The following EXOSC10 variants were observed in gnomAD, a reference collection of about 807,000 sequenced individuals.
EXOSC10 encodes the protein exosome complex component 10.
A neutral mutation model predicts 126.6 loss-of-function variants in EXOSC10; 94 were observed. The observed-to-expected ratio is 0.74, with a 90% confidence interval of 0.63 to 0.88. The LOEUF (loss-of-function observed/expected upper bound fraction) is 0.88, where lower values mean the gene tolerates loss of function less well. EXOSC10 is among the 40% of genes least tolerant of loss of function. The pLI is 0.00. For missense variants in EXOSC10, 1,041 were observed against 1,100.5 expected (o/e 0.95, Z 0.77); for synonymous variants, 395 against 400.8 (o/e 0.99, Z 0.17).
intron 3 of EXOSC10, among the ~76,000 whole-genome samples, chr1:11,092,733 G>T (rs1640875256): frequency 6.6e-6 from 1 of 151,830 alleles, no homozygotes; most frequent in Middle Eastern, 3.2e-3. Flanking sequence ...TGACCAAGCT[G>T]GTCTTGAACT....
At chr1:11,090,734 T>C in intron 5 of EXOSC10, 66 bp from the exon 6 acceptor site, 1 of 1,233,696 alleles carries the variant, frequency 8.1e-7, no homozygotes, top group East Asian at 2.5e-5. Context: ...TACACAGGGG[T>C]AAACTGGTTC....
chr1:11,091,327 AAG>A, intron 4 of EXOSC10, 148 bp from the exon 5 acceptor site: 1 of 958,474 alleles, frequency 1.0e-6, no homozygotes, highest in East Asian at 2.5e-5. Context: ...GGTCTCCAGA[AAG>A]AGAAGAAGAG....
At chr1:11,086,835 T>C (rs951303015) in intron 9 of EXOSC10, among the ~76,000 whole-genome samples, 4 of 151,846 alleles carry the variant, frequency 2.6e-5, no homozygotes, top group African/African-American at 9.7e-5. Context: ...TAGAGGGAAA[T>C]TTATAGCACT....
rs548823163 is a variant in EXOSC10 at position 11,069,996 on chromosome 1, G to A, written c.2317-266C>T. On this transcript the variant is annotated intron_variant, in intron 21 of 24. Transcript: ENST00000376936. ...CATGCCTATAATTCCAGTGCTTTGG[G>A]CGGCCTAGGTGGGAGGACTGCTTTA... Among the ~76,000 whole-genome samples, 106 of 152,236 alleles carry A rather than the reference G, an allele frequency of 7.0e-4. 2 individuals are homozygous for A. Among genetic ancestry groups the A allele is most frequent in the South Asian group, 6.6e-3 (32 of 4,820 alleles).
rs764805621 is a variant in EXOSC10 at position 11,066,684 on chromosome 1, C to T, written c.*34G>A. The T allele has an allele frequency of 6.2e-7, 1 of 1,613,216 alleles. No homozygotes were observed. Among genetic ancestry groups the T allele is most frequent in the East Asian group, 2.2e-5 (1 of 44,878 alleles). ...ACAAAAGCAGCACCAGCATTTGGTG[C>T]TTCCGGTCCACAGGCGCCACGTGTC... is the stretch of plus-strand genomic sequence containing the variant. On this transcript the variant is annotated 3_prime_UTR_variant, in exon 25 of 25. Coordinates refer to ENST00000376936, the MANE Select transcript of EXOSC10 (RefSeq NM_001001998.3).
rs747009008 is a variant in EXOSC10, at chr1:11,079,730, C to T, written c.1730G>A (p.Arg577Gln). The change falls in exon 14 of 25, where the codon CGA becomes CAA. Residue 577 changes from arginine (R) to glutamine (Q), a missense_variant. Arg to Gln is a conservative substitution (Grantham distance 43). Coordinates refer to ENST00000376936, the MANE Select transcript of EXOSC10 (RefSeq NM_001001998.3). ...NEMHLLIQQAREMPLLKSEVA... is the reference protein window; with the variant it reads ...NEMHLLIQQAQEMPLLKSEVA... ...TCTTACCTTGAGCAGGGGCATCTCT[C>T]GGGCCTGCTGGATTAAAAGGTGCAT... The T allele has an allele frequency of 1.5e-5, 25 of 1,613,670 alleles. No individual in the cohort carries two copies. The highest frequency in any genetic ancestry group is 1.2e-4 in the South Asian group (11 of 90,920).
chr1:11,066,689 G>T lies in EXOSC10; in HGVS notation c.*29C>A, dbSNP rs758733928. ...AGCAGCACCAGCATTTGGTGCTTCC[G>T]GTCCACAGGCGCCACGTGTCTTCCA... is the stretch of plus-strand genomic sequence containing the variant. On this transcript the variant is annotated 3_prime_UTR_variant, in exon 25 of 25. Transcript: ENST00000376936. The T allele has an allele frequency of 1.9e-6, 3 of 1,613,280 alleles. No individual in the cohort carries two copies. The African/African-American group carries it at 4.0e-5, about 22-fold the overall frequency.
chr1:11,073,639 C>CA (rs1477924290), intron 19 of EXOSC10, among the ~76,000 whole-genome samples: 7 of 151,902 alleles, frequency 4.6e-5, no homozygotes, highest in Admixed American at 4.6e-4. Flanking sequence ...TCTGTAGTCC[C>CA]AGCACTTTGG....
At chr1:11,083,580 A>AAAAAAAAAAAAC (rs1640303640) in intron 9 of EXOSC10, among the ~76,000 whole-genome samples, 1 of 151,400 alleles carries the variant, frequency 6.6e-6, no homozygotes, top group African/African-American at 2.4e-5. Flanking sequence ...AAAAAAAAAA[A>AAAAAAAAAAAAC]AAAAATTAGA....
In EXOSC10 at chr1:11,077,618, G is replaced by A. The variant is rs764579571; in HGVS notation, c.1783C>T (p.Pro595Ser). 6.2e-7 allele frequency: 1 copy of A among 1,613,178 alleles called. No homozygotes were observed. Among genetic ancestry groups the A allele is most frequent in the South Asian group, 1.1e-5 (1 of 91,048 alleles). The change falls in exon 15 of 25, where the codon CCG becomes TCG. Residue 595 changes from proline to serine, a missense_variant. By Grantham distance (74) the Pro-to-Ser change is moderately conservative (BLOSUM62 -1). This residue lies in a region of EXOSC10 where 388 missense variants were observed against 415.2 expected (regional missense o/e 0.93). Coordinates refer to ENST00000376936, the MANE Select transcript of EXOSC10 (RefSeq NM_001001998.3). ...CACTCTACCTCAGCACTGGGCAGCGGTCCGCTCTTCTTCACTCCGGCTGCA... is the reference window on the plus strand; with the variant it reads ...CACTCTACCTCAGCACTGGGCAGCGATCCGCTCTTCTTCACTCCGGCTGCA... ...EVAAGVKKSG[P>S]LPSAERLENV...
At position 11,080,508 on chromosome 1, in the gene EXOSC10, T is replaced by G. The variant is rs2100979135; in HGVS notation, c.1628A>C (p.Glu543Ala). The change falls in exon 13 of 25, where the codon GAA (glutamate) becomes GCA (alanine). Residue 543 changes from glutamate to alanine, a missense_variant. Glu to Ala is a moderately radical substitution (Grantham distance 107). This residue lies in a region of EXOSC10 where 8 missense variants were observed against 29.0 expected (regional missense o/e 0.28). Transcript: ENST00000376936. ...PNHMMLKIAE[E>A]LPKEPQGIIA... The stretch of plus-strand genomic sequence containing the variant: ...CAGATTTGAAACTCACTTAGGCAGT[T>G]CTTCAGCTATTTTCAGCATCATGTG... 1 of 1,612,952 alleles carries G rather than the reference T, an allele frequency of 6.2e-7. No individual in the cohort carries two copies. Among genetic ancestry groups the G allele is most frequent in the East Asian group, 2.2e-5 (1 of 44,848 alleles).
chr1:11,072,243 A>G (rs1639551806), intron 19 of EXOSC10, 72 bp from the exon 20 acceptor site: 4 of 1,075,376 alleles, frequency 3.7e-6, no homozygotes, highest in Non-Finnish European at 5.6e-6. Context: ...ACTTTTCATG[A>G]GGTGACGAAG....
Position 11,079,739 on chromosome 1 carries a change from T to G in EXOSC10, c.1721A>C (p.Gln574Pro), listed in dbSNP as rs1432376256. Residue 574 changes from glutamine to proline, a missense_variant, in exon 14 of 25, where the codon CAG (glutamine) becomes CCG (proline). By Grantham distance (76) the Gln-to-Pro change is moderately conservative (BLOSUM62 -1). This residue lies in a region of EXOSC10 where 388 missense variants were observed against 415.2 expected (regional missense o/e 0.93). Transcript: ENST00000376936. ...QQINEMHLLI[Q>P]QAREMPLLKS... ...GAGCAGGGGCATCTCTCGGGCCTGC[T>G]GGATTAAAAGGTGCATTTCGTTGAT... The G allele has an allele frequency of 6.2e-7, 1 of 1,613,916 alleles. No homozygotes were observed. The highest frequency in any genetic ancestry group is 1.7e-5 in the Admixed American group (1 of 60,000).
chr1:11,082,592 C>T (rs560696405), intron 10 of EXOSC10, 96 bp downstream of exon 10: 297 of 1,558,910 alleles, frequency 1.9e-4, no homozygotes, highest in Middle Eastern at 1.4e-3. Context: ...TCTCAATGAG[C>T]GTGGTAGGGC....
At position 11,082,892 on chromosome 1, in the gene EXOSC10, C is replaced by G. The variant is rs373193161; in HGVS notation, c.1090-14G>C. ...ACCATGAAAGACCTGAAAACAGAAC[C>G]AAAGTCATGCAGTACACTGGTAGCA... On this transcript the variant is annotated splice_polypyrimidine_tract_variant and intron_variant, in intron 9 of 24. Transcript: ENST00000376936. 7 of 1,605,918 alleles carry G rather than the reference C, an allele frequency of 4.4e-6. No homozygotes were observed. The highest frequency in any genetic ancestry group is 6.0e-6 in the Non-Finnish European group (7 of 1,172,692).
rs147771843 is a variant in EXOSC10 at position 11,073,981 on chromosome 1, G to C, written c.2110C>G (p.Pro704Ala). The C allele has an allele frequency of 1.2e-6, 2 of 1,613,968 alleles. No homozygotes were observed. Among genetic ancestry groups the C allele is most frequent in the East Asian group, 2.2e-5 (1 of 44,870 alleles). Residue 704 changes from proline to alanine, a missense_variant, in exon 19 of 25, where the codon CCC becomes GCC. By Grantham distance (27) the Pro-to-Ala change is conservative. This residue lies in a region of EXOSC10 where 388 missense variants were observed against 415.2 expected (regional missense o/e 0.93). Coordinates refer to ENST00000376936, the MANE Select transcript of EXOSC10 (RefSeq NM_001001998.3). ...TCGAACTTCGCTGCCTGAGAGACGG[G>C]AGCACGGTGTCCCAGTGAGGGCAGA... ...MFLPSLGHRA[P>A]VSQAAKFDPS... is the part of the protein sequence containing the mutation.
intron 9 of EXOSC10, among the ~76,000 whole-genome samples, chr1:11,086,671 AAAACCGCTCAACTACATGG>A (rs1356107478): frequency 6.6e-6 from 1 of 152,192 alleles, no homozygotes; most frequent in Non-Finnish European, 1.5e-5. Context: ...AAACTCACTC[AAAACCGCTCAACTACATGG>A]AAACTGAACA....
intron 1 of EXOSC10, 42 bp from the exon 2 acceptor site, chr1:11,098,198 C>T (rs901324092): frequency 1.5e-5 from 23 of 1,560,394 alleles, no homozygotes; most frequent in Non-Finnish European, 1.7e-5. Context: ...CACAGGGATC[C>T]CCATTCATTT....
chr1:11,067,612 C>A (rs181934656), intron 24 of EXOSC10, among the ~76,000 whole-genome samples: 4 of 152,194 alleles, frequency 2.6e-5, no homozygotes, highest in Admixed American at 6.5e-5. Context: ...AAAACAAAAC[C>A]AAACCAAGCC....
Sources: gnomAD v4.1 joint callset for allele counts (sites outside exome capture counted in the v4.1 genomes callset) on GRCh38, gnomAD v4.1.1 for gene constraint, gnomAD v4.1.1 regional missense constraint, MANE v1.5 for transcripts, NCBI Gene and HGNC (gene_info 2026-07-23, HGNC 2026-07-21) for gene names.